The following ATP13A4 variants were observed in gnomAD, a reference collection of about 807,000 sequenced individuals.
The protein encoded by ATP13A4 is ATPase 13A4, also known as probable cation-transporting ATPase 13A4.
In ATP13A4, 114 loss-of-function variants were observed where a neutral mutation model predicts 142.5. That is an observed-to-expected ratio of 0.80 (90% CI 0.69 to 0.93). The LOEUF is 0.93. Ranked by LOEUF, ATP13A4 falls within the 40% of genes least tolerant of loss-of-function variation. ATP13A4 has a pLI of 0.00. For missense variants in ATP13A4, 1,392 were observed against 1,454.0 expected, an observed-to-expected ratio of 0.96 and a Z score of 0.69; for synonymous variants, 488 against 514.8, an observed-to-expected ratio of 0.95 and a Z score of 0.70.
intron 25 of ATP13A4, among the ~76,000 whole-genome samples, chr3:193,431,603 A>ATGTGTGTG (rs139137306): frequency 2.7e-5 from 4 of 146,986 alleles, no homozygotes; most frequent in African/African-American, 9.9e-5. Flanking sequence ...CTATATATGC[A>ATGTGTGTG]TGTGTGTGTG....
intron 3 of ATP13A4, among the ~76,000 whole-genome samples, chr3:193,498,231 T>A (rs1173175209): frequency 6.6e-6 from 1 of 151,524 alleles, no homozygotes; most frequent in Admixed American, 6.6e-5. Flanking sequence ...ATTTTAAAAA[T>A]CCTGGTAGCC....
chr3:193,534,833 T>A (rs2108707508), intron 1 of ATP13A4, among the ~76,000 whole-genome samples: 1 of 152,028 alleles, frequency 6.6e-6, no homozygotes, highest in East Asian at 1.9e-4. Flanking sequence ...CGAAAACATC[T>A]CAAATTTGGT....
chr3:193,545,758 T>C (rs1723185355), intron 1 of ATP13A4, among the ~76,000 whole-genome samples: 1 of 152,156 alleles, frequency 6.6e-6, no homozygotes, highest in African/African-American at 2.4e-5. Flanking sequence ...GCACTGTTAA[T>C]CATTTGCCAA....
At chr3:193,412,120 C>A in intron 27 of ATP13A4, 58 bp downstream of exon 27, 1 of 1,464,140 alleles carries the variant, frequency 6.8e-7, no homozygotes, top group Non-Finnish European at 9.6e-7. Flanking sequence ...GTGACCTGGA[C>A]ATGTCTGTTC....
intron 1 of ATP13A4, among the ~76,000 whole-genome samples, chr3:193,548,593 T>C (rs1029217294): frequency 1.3e-4 from 20 of 152,324 alleles, no homozygotes; most frequent in African/African-American, 4.6e-4. Context: ...CTAGTTAACA[T>C]TGGCAACTGA....
At chr3:193,564,340 G>A (rs900664314) in intron 2 of ATP13A4, among the ~76,000 whole-genome samples, 5 of 152,256 alleles carry the variant, frequency 3.3e-5, no homozygotes, top group Non-Finnish European at 7.3e-5. Flanking sequence ...AAGCTGTTAA[G>A]AGAAATTCAA....
intron 10 of ATP13A4, among the ~76,000 whole-genome samples, chr3:193,466,738 G>C (rs145502386): frequency 6.6e-6 from 1 of 152,286 alleles, no homozygotes; most frequent in East Asian, 1.9e-4. Flanking sequence ...GAAACAGTAA[G>C]CATCTCTGCT....
intron 1 of ATP13A4, among the ~76,000 whole-genome samples, chr3:193,586,694 A>T (rs988881359): frequency 6.6e-6 from 1 of 152,180 alleles, no homozygotes; most frequent in African/African-American, 2.4e-5. Flanking sequence ...CTATTTCTGA[A>T]CCCTTTATTC....
intron 1 of ATP13A4, among the ~76,000 whole-genome samples, chr3:193,551,728 A>G (rs1409828720): frequency 6.6e-6 from 1 of 152,194 alleles, no homozygotes; most frequent in African/African-American, 2.4e-5. Context: ...GGTGAGAGCC[A>G]GGCCTCCCGT....
chr3:193,412,450 C>A (rs1336756735), intron 26 of ATP13A4, 79 bp from the exon 27 acceptor site: 1 of 1,350,726 alleles, frequency 7.4e-7, no homozygotes, highest in Non-Finnish European at 1.1e-6. Context: ...AGATTCCATA[C>A]CAAACAGTGT....
At position 193,435,671 on chromosome 3, in the gene ATP13A4, C is replaced by A. The variant is rs777446311; in HGVS notation, c.2746G>T (p.Val916Phe). 6.2e-7 allele frequency: 1 copy of A among 1,613,964 alleles called. No individual in the cohort carries two copies. The highest frequency in any genetic ancestry group is 8.5e-7 in the Non-Finnish European group (1 of 1,179,916). ...YMALYSMIQY[V>F]GVLLLYWETN... The stretch of plus-strand genomic sequence containing the variant: ...ACCCAGTAGAGCAGCAGAACACCAA[C>A]ATACTGAATCATGCTGTACAGAGCC... The change falls in exon 24 of 30, where the codon GTT (valine) becomes TTT (phenylalanine). Residue 916 changes from valine to phenylalanine, a missense_variant. Transcript: ENST00000342695.
Position 193,506,831 on chromosome 3 carries a change from T to A in ATP13A4, c.235-4192A>T, listed in dbSNP as rs139533325. Among the ~76,000 whole-genome samples, 247 of 152,292 alleles carry A rather than the reference T, an allele frequency of 1.6e-3. 1 individual carries two copies. The highest frequency in any genetic ancestry group is 0.01 in the South Asian group (50 of 4,820). On this transcript the variant is annotated intron_variant, in intron 2 of 29. Coordinates refer to ENST00000342695, the MANE Select transcript of ATP13A4 (RefSeq NM_032279.4). ...GAAGAAGGATGTGTTTGCTTCCCCT[T>A]CCACCATGATTGTAAGTTTCCTGAG...
chr3:193,485,974 G>A (rs1719591780), intron 7 of ATP13A4, among the ~76,000 whole-genome samples: 1 of 149,020 alleles, frequency 6.7e-6, no homozygotes, highest in Non-Finnish European at 1.5e-5. Flanking sequence ...AAACATAAAA[G>A]AGATTGCAAA....
intron 1 of ATP13A4, among the ~76,000 whole-genome samples, chr3:193,526,125 A>G (rs1430968111): frequency 6.6e-6 from 1 of 152,220 alleles, no homozygotes; most frequent in East Asian, 1.9e-4. Context: ...TATCTTAGGA[A>G]TATAATAATC....
At chr3:193,402,898 G>C (rs1213255800) in intron 29 of ATP13A4, 34 bp from the exon 30 acceptor site, 2 of 1,595,030 alleles carry the variant, frequency 1.3e-6, no homozygotes, top group Non-Finnish European at 1.7e-6. Context: ...TTACAAGCAA[G>C]GGTTGAGTGT....
chr3:193,445,450 A>AAAAT (rs1268581788), intron 18 of ATP13A4, among the ~76,000 whole-genome samples: 14 of 150,652 alleles, frequency 9.3e-5, no homozygotes, highest in Admixed American at 9.3e-4. Context: ...AAATATATAA[A>AAAAT]AAATAAATAA....
At chr3:193,402,891 C>A (rs1231633584) in intron 29 of ATP13A4, 27 bp from the exon 30 acceptor site, 1 of 1,603,564 alleles carries the variant, frequency 6.2e-7, no homozygotes, top group African/African-American at 1.3e-5. Flanking sequence ...TTACTTTTTA[C>A]AAGCAAGGGT....
chr3:193,534,737 G>A (rs1722502879), intron 1 of ATP13A4, among the ~76,000 whole-genome samples: 1 of 152,110 alleles, frequency 6.6e-6, no homozygotes, highest in African/African-American at 2.4e-5. Flanking sequence ...GTGAGACTAT[G>A]AGAAGAGATC....
At chr3:193,423,829 C>A (rs1470869536) in intron 25 of ATP13A4, among the ~76,000 whole-genome samples, 2 of 99,912 alleles carry the variant, frequency 2.0e-5, no homozygotes, top group African/African-American at 7.2e-5. Context: ...CTAGCCAGAG[C>A]AACTAGGCAA....
Sources: gnomAD v4.1 joint callset for allele counts (sites outside exome capture counted in the v4.1 genomes callset) on GRCh38, gnomAD v4.1.1 for gene constraint, MANE v1.5 for transcripts, NCBI Gene and HGNC (gene_info 2026-07-23, HGNC 2026-07-21) for gene names.